Variants in ATF2 observed in about 807,000 individuals in gnomAD.
The protein encoded by ATF2 is cyclic AMP-dependent transcription factor ATF-2.
Under a neutral mutation model 60.6 loss-of-function variants are expected in ATF2, and 24 were observed. The ratio of observed to expected loss-of-function variants is 0.40; its 90% confidence interval spans 0.29 to 0.56. The LOEUF is 0.56. Among genes scored for constraint, ATF2 ranks in the 20% least tolerant of loss-of-function variants. ATF2 has a pLI of 0.54. For missense variants in ATF2, 433 were observed against 607.7 expected (o/e 0.71, Z 3.02); for synonymous variants, 206 against 215.4 (o/e 0.96, Z 0.38).
chr2:175,099,499 T>C (rs979664491), intron 10 of ATF2, among the ~76,000 whole-genome samples: 1 of 152,232 alleles, frequency 6.6e-6, no homozygotes, highest in African/African-American at 2.4e-5. Flanking sequence ...TGCCCTTTCC[T>C]GTCATACTCT....
chr2:175,108,770 T>C lies in ATF2; in HGVS notation c.828+2798A>G, dbSNP rs536974000. ...GTGGGGAAAAGATAGAGAAATCAGA[T>C]TGTTGCTGTATCTGTGTAGAAAGTA... On this transcript the variant is annotated intron_variant, in intron 10 of 13. Coordinates refer to ENST00000264110, the MANE Select transcript of ATF2 (RefSeq NM_001880.4). 1.8e-3 allele frequency among the ~76,000 whole-genome samples: 266 copies of C among 144,888 alleles called. 2 individuals carry two copies. Among genetic ancestry groups the C allele is most frequent in the African/African-American group, 6.5e-3 (238 of 36,622 alleles).
chr2:175,089,694 T>A (rs1459352409), intron 12 of ATF2, among the ~76,000 whole-genome samples: 1 of 152,156 alleles, frequency 6.6e-6, no homozygotes, highest in Non-Finnish European at 1.5e-5. Flanking sequence ...TCTGTCACTT[T>A]TAAAAAACTT....
At chr2:175,167,572 T>C in intron 1 of ATF2, 2 of 471,098 alleles carry the variant, frequency 4.2e-6, no homozygotes, top group South Asian at 3.1e-5. Flanking sequence ...TACACGGTCC[T>C]CAATCGCTTG....
intron 1 of ATF2, among the ~76,000 whole-genome samples, chr2:175,162,265 G>C (rs1700076104): frequency 6.6e-6 from 1 of 152,190 alleles, no homozygotes; most frequent in Non-Finnish European, 1.5e-5. Flanking sequence ...ACTATAGTAT[G>C]ATATGGCCAA....
chr2:175,167,799 C>T (rs1321290157), intron 1 of ATF2: 1 of 446,254 alleles, frequency 2.2e-6, no homozygotes, highest in Non-Finnish European at 4.8e-6. Context: ...AGGGAGGGGC[C>T]GGAACAACGA....
At chr2:175,102,429 A>C (rs1315934775) in intron 10 of ATF2, among the ~76,000 whole-genome samples, 1 of 152,180 alleles carries the variant, frequency 6.6e-6, no homozygotes, top group Non-Finnish European at 1.5e-5. Flanking sequence ...TAATATATGT[A>C]AATAAGGATT....
intron 2 of ATF2, among the ~76,000 whole-genome samples, chr2:175,140,515 G>A (rs1159461765): frequency 6.6e-6 from 1 of 152,070 alleles, no homozygotes; most frequent in Non-Finnish European, 1.5e-5. Context: ...TTACAAAGGG[G>A]CATGAGAAAA....
chr2:175,162,344 G>A (rs1306164080), intron 1 of ATF2, among the ~76,000 whole-genome samples: 2 of 152,104 alleles, frequency 1.3e-5, no homozygotes, highest in Non-Finnish European at 2.9e-5. Flanking sequence ...AGGTAATCAC[G>A]CTTCATTAAT....
intron 2 of ATF2, among the ~76,000 whole-genome samples, chr2:175,144,650 T>G (rs991398367): frequency 6.6e-6 from 1 of 151,548 alleles, no homozygotes; most frequent in Non-Finnish European, 1.5e-5. Flanking sequence ...CTAAGCAGAG[T>G]GAGAAAGATG....
intron 7 of ATF2, 96 bp downstream of exon 7, chr2:175,117,894 T>G: frequency 7.6e-7 from 1 of 1,324,192 alleles, no homozygotes; most frequent in Non-Finnish European, 1.0e-6. Context: ...AAGCTGACAC[T>G]GAATTTAATA....
chr2:175,076,954 C>G (rs1394952330), intron 13 of ATF2, among the ~76,000 whole-genome samples: 48 of 128,910 alleles, frequency 3.7e-4, no homozygotes, highest in Non-Finnish European at 6.2e-4. Flanking sequence ...CCCCTCCCCC[C>G]ACCCCACAAC....
intron 2 of ATF2, among the ~76,000 whole-genome samples, chr2:175,141,444 G>C (rs569885775): frequency 6.6e-6 from 1 of 151,964 alleles, no homozygotes; most frequent in African/African-American, 2.4e-5. Context: ...ATTTCACCTA[G>C]GTATGTGGTT....
intron 9 of ATF2, among the ~76,000 whole-genome samples, chr2:175,112,867 G>A (rs536415675): frequency 1.3e-5 from 2 of 152,298 alleles, no homozygotes; most frequent in South Asian, 2.1e-4. Context: ...TTACAGGCAT[G>A]AGCCACTGCA....
chr2:175,111,723 G>C, intron 9 of ATF2, 69 bp from the exon 10 acceptor site: 4 of 1,319,608 alleles, frequency 3.0e-6, no homozygotes, highest in Non-Finnish European at 4.3e-6. Flanking sequence ...CTTTACTGCT[G>C]TTGTAATAAT....
At chr2:175,076,710 C>T (rs1005431981) in intron 13 of ATF2, among the ~76,000 whole-genome samples, 1 of 150,482 alleles carries the variant, frequency 6.6e-6, no homozygotes, top group Non-Finnish European at 1.5e-5. Flanking sequence ...GGAGGGAATA[C>T]TAAAAAGCTC....
chr2:175,110,188 A>C (rs1011446817), intron 10 of ATF2, among the ~76,000 whole-genome samples: 2 of 152,128 alleles, frequency 1.3e-5, no homozygotes, highest in Non-Finnish European at 2.9e-5. Context: ...TACAAAAATT[A>C]GCCAGGCATG....
At chr2:175,133,123 C>T (rs1372323541) in intron 3 of ATF2, among the ~76,000 whole-genome samples, 1 of 151,760 alleles carries the variant, frequency 6.6e-6, no homozygotes, top group Admixed American at 6.6e-5. Context: ...AAATAAATCC[C>T]AGTGCTTTTA....
At chr2:175,119,320 T>C (rs1336530782) in intron 5 of ATF2, among the ~76,000 whole-genome samples, 1 of 151,630 alleles carries the variant, frequency 6.6e-6, no homozygotes, top group African/African-American at 2.4e-5. Context: ...AGCAGGGATC[T>C]AGCCTAAGTG....
chr2:175,167,673 C>T (rs1263347483), intron 1 of ATF2: 1 of 506,234 alleles, frequency 2.0e-6, no homozygotes, highest in South Asian at 1.5e-5. Context: ...ACGGCTGACT[C>T]GACGCGCGCC....
Sources: allele counts gnomAD v4.1 joint callset (sites outside exome capture counted in the v4.1 genomes callset), GRCh38; gene constraint gnomAD v4.1.1; transcripts MANE v1.5; gene names NCBI Gene and HGNC (gene_info 2026-07-23, HGNC 2026-07-21).